Variants in COG5 observed in about 807,000 individuals in gnomAD.
The protein encoded by COG5 is component of oligomeric golgi complex 5.
In COG5, 86 loss-of-function variants were observed where a neutral mutation model predicts 110.4. The ratio of observed to expected loss-of-function variants is 0.78; its 90% CI spans 0.65 to 0.93. The LOEUF (loss-of-function observed/expected upper bound fraction) is 0.93, where lower values mean the gene tolerates loss of function less well. Among genes scored for constraint, COG5 ranks in the 40% least tolerant of loss-of-function variants. The pLI is 0.00. For synonymous variants in COG5, 360 were observed against 334.6 expected, an observed-to-expected ratio of 1.08 and a Z score of -0.83; for missense variants, 1,077 against 987.0, an observed-to-expected ratio of 1.09 and a Z score of -1.22.
chr7:107,437,290 T>G (rs914341917), intron 6 of COG5, among the ~76,000 whole-genome samples: 1 of 152,162 alleles, frequency 6.6e-6, no homozygotes, highest in East Asian at 1.9e-4. Context: ...AAATGGTGAA[T>G]AGCTAGCCCC....
At chr7:107,251,914 A>G (rs1399378877) in intron 16 of COG5, among the ~76,000 whole-genome samples, 1 of 152,208 alleles carries the variant, frequency 6.6e-6, no homozygotes, top group African/African-American at 2.4e-5. Flanking sequence ...GAAAACTAGT[A>G]AAGTTAAAAG....
chr7:107,548,983 T>C (rs978937778), intron 3 of COG5, among the ~76,000 whole-genome samples: 6 of 152,244 alleles, frequency 3.9e-5, no homozygotes, highest in Admixed American at 6.5e-5. Context: ...TTTGAAAGCA[T>C]AGTATTCTAT....
chr7:107,442,643 T>TA (rs35184301), intron 6 of COG5, among the ~76,000 whole-genome samples: 4,601 of 129,478 alleles, frequency 0.036, 166 homozygotes, highest in African/African-American at 0.094. Context: ...CAATTTCACC[T>TA]AAAAAAAAAA....
chr7:107,397,648 T>C (rs571007014), intron 7 of COG5, among the ~76,000 whole-genome samples: 31 of 152,372 alleles, frequency 2.0e-4, no homozygotes, highest in African/African-American at 7.2e-4. Context: ...GTGAAATTTC[T>C]AAGTATTTAT....
chr7:107,226,049 C>G (rs2116354778), intron 19 of COG5, among the ~76,000 whole-genome samples: 1 of 151,986 alleles, frequency 6.6e-6, no homozygotes, highest in South Asian at 2.1e-4. Context: ...ATCACACACA[C>G]ACAAAAAAAC....
At chr7:107,376,567 T>C (rs1231231427) in intron 7 of COG5, among the ~76,000 whole-genome samples, 2 of 152,018 alleles carry the variant, frequency 1.3e-5, no homozygotes, top group African/African-American at 2.4e-5. Flanking sequence ...AAACAATCAG[T>C]AAATTGTTTT....
At chr7:107,364,974 CAT>C (rs1813464518) in intron 8 of COG5, among the ~76,000 whole-genome samples, 1 of 152,030 alleles carries the variant, frequency 6.6e-6, no homozygotes, top group African/African-American at 2.4e-5. Context: ...GCAGCTGTCT[CAT>C]ATGTTATATA....
chr7:107,554,646 A>G (rs1803167878), intron 2 of COG5, among the ~76,000 whole-genome samples: 1 of 152,180 alleles, frequency 6.6e-6, no homozygotes. Context: ...TATTGCTCAC[A>G]GTTCTGGGGT....
chr7:107,351,460 G>C (rs1202238642), intron 10 of COG5, among the ~76,000 whole-genome samples: 1 of 152,148 alleles, frequency 6.6e-6, no homozygotes, highest in Non-Finnish European at 1.5e-5. Flanking sequence ...TTGACAAATG[G>C]GATCTAATTA....
chr7:107,543,027 T>C (rs1176076762), intron 5 of COG5, among the ~76,000 whole-genome samples: 1 of 151,746 alleles, frequency 6.6e-6, no homozygotes, highest in African/African-American at 2.4e-5. Flanking sequence ...GGATAATACT[T>C]TCCAAAAAAC....
chr7:107,335,446 G>A (rs528425666), intron 10 of COG5, among the ~76,000 whole-genome samples: 1 of 152,132 alleles, frequency 6.6e-6, no homozygotes, highest in South Asian at 2.1e-4. Flanking sequence ...TCATAATAAT[G>A]ATTCAAAAGT....
At chr7:107,431,153 T>A (rs1794000710) in intron 6 of COG5, among the ~76,000 whole-genome samples, 1 of 152,226 alleles carries the variant, frequency 6.6e-6, no homozygotes. Flanking sequence ...AAAATAAATC[T>A]GTATTGTTTT....
intron 6 of COG5, among the ~76,000 whole-genome samples, chr7:107,441,546 T>G (rs1794709069): frequency 6.6e-6 from 1 of 152,176 alleles, no homozygotes; most frequent in African/African-American, 2.4e-5. Context: ...GAGCTTACAT[T>G]TTAGTCAAAC....
At chr7:107,208,586 T>G (rs148878300) in intron 21 of COG5, 200 of 985,416 alleles carry the variant, frequency 2.0e-4, no homozygotes, top group Non-Finnish European at 2.3e-4. Context: ...AATCCCTGTG[T>G]TAGCCCAGGC....
rs370239979 is a variant in COG5, at chr7:107,221,544, C to T, written c.2168+9071G>A. On this transcript the variant is annotated intron_variant, in intron 19 of 21. Transcript: ENST00000297135. Reference sequence around the variant, plus strand: ...CTTTGGGAGGCCGAGGCAGGCAGATCATGAGGTCAGGAGATTGAGACCATC... The same window carrying T: ...CTTTGGGAGGCCGAGGCAGGCAGATTATGAGGTCAGGAGATTGAGACCATC... Among the ~76,000 whole-genome samples, 119 of 152,132 alleles carry T rather than the reference C, an allele frequency of 7.8e-4. 1 individual carries two copies. The Middle Eastern group carries it at 0.017, about 22-fold the overall frequency.
chr7:107,364,342 A>G (rs1388194517), intron 8 of COG5, among the ~76,000 whole-genome samples: 1 of 152,238 alleles, frequency 6.6e-6, no homozygotes, highest in Non-Finnish European at 1.5e-5. Flanking sequence ...CAGCCAACAG[A>G]AAAGCATGAT....
intron 7 of COG5, among the ~76,000 whole-genome samples, chr7:107,408,434 T>A (rs894476119): frequency 1.3e-5 from 2 of 152,262 alleles, no homozygotes; most frequent in African/African-American, 4.8e-5. Context: ...TATTCTGAGT[T>A]ACAGAGTCTT....
intron 6 of COG5, among the ~76,000 whole-genome samples, chr7:107,445,182 C>T (rs1408673898): frequency 2.0e-5 from 3 of 151,926 alleles, no homozygotes; most frequent in African/African-American, 7.3e-5. Flanking sequence ...GCCTGGGCAA[C>T]ACAGCAAGAC....
chr7:107,546,563 G>GT (rs1178288479), intron 5 of COG5, among the ~76,000 whole-genome samples: 1 of 150,966 alleles, frequency 6.6e-6, no homozygotes. Flanking sequence ...AGCCTCCCGA[G>GT]TATCTGGGAC....
Sources: gnomAD v4.1 joint callset for allele counts (sites outside exome capture counted in the v4.1 genomes callset) on GRCh38, gnomAD v4.1.1 for gene constraint, MANE v1.5 for transcripts, NCBI Gene and HGNC (gene_info 2026-07-23, HGNC 2026-07-21) for gene names.